ENOX1: variants seen among roughly 807,000 people sequenced by gnomAD.
ENOX1 encodes ecto-NOX disulfide-thiol exchanger 1.
In ENOX1, 42 loss-of-function variants were observed where a neutral mutation model predicts 82.5. That is an observed-to-expected ratio of 0.51 (90% CI 0.40 to 0.66). The LOEUF is 0.66. Ranked by LOEUF, ENOX1 falls within the 30% of genes least tolerant of loss-of-function variation. ENOX1 has a pLI of 0.00. For synonymous variants in ENOX1, 271 were observed against 282.2 expected (o/e 0.96, Z 0.40); for missense variants, 608 against 811.6 (o/e 0.75, Z 3.05).
intron 15 of ENOX1, among the ~76,000 whole-genome samples, chr13:43,226,730 G>A (rs1250546866): frequency 6.6e-6 from 1 of 152,202 alleles, no homozygotes; most frequent in Non-Finnish European, 1.5e-5. Context: ...GTGAGCAGGT[G>A]AGGGGGTGCT....
rs941618051 is a variant in ENOX1, at chr13:43,643,231, T to G, written c.-219+24248A>C. 3.9e-5 allele frequency among the ~76,000 whole-genome samples: 6 copies of G among 152,122 alleles called. No homozygotes were observed. In the South Asian group the frequency reaches 6.2e-4, roughly 16 times the overall value. On this transcript the variant is annotated intron_variant, in intron 2 of 16. Coordinates refer to ENST00000690772, the MANE Select transcript of ENOX1 (RefSeq NM_001347969.2). ...ATGCCAAGGACCGAGGGTAGGTACA[T>G]AGTGTTTGTGTTCCCCCACCGTCTA...
intron 2 of ENOX1, among the ~76,000 whole-genome samples, chr13:43,553,809 G>C (rs959238771): frequency 2.0e-5 from 3 of 152,064 alleles, no homozygotes; most frequent in Non-Finnish European, 4.4e-5. Context: ...GTGCAGCTGC[G>C]CGATCTCCGC....
At chr13:43,364,504 C>T (rs893737907) in intron 5 of ENOX1, among the ~76,000 whole-genome samples, 1 of 151,892 alleles carries the variant, frequency 6.6e-6, no homozygotes, top group African/African-American at 2.4e-5. Context: ...CAAGGCTCGG[C>T]AAAGGTTTCT....
intron 12 of ENOX1, among the ~76,000 whole-genome samples, chr13:43,272,815 G>T (rs535081517): frequency 6.6e-6 from 1 of 152,222 alleles, no homozygotes; most frequent in East Asian, 1.9e-4. Context: ...TGTAACTGGG[G>T]ATGAAAACCA....
At chr13:43,273,221 C>T (rs1040798991) in intron 12 of ENOX1, among the ~76,000 whole-genome samples, 1 of 152,182 alleles carries the variant, frequency 6.6e-6, no homozygotes, top group African/African-American at 2.4e-5. Flanking sequence ...GCCCTTTCAT[C>T]ACCTTCACAA....
intron 5 of ENOX1, among the ~76,000 whole-genome samples, chr13:43,374,599 G>A (rs1250457955): frequency 6.6e-6 from 1 of 152,226 alleles, no homozygotes; most frequent in East Asian, 1.9e-4. Context: ...TTCAAAGAAC[G>A]TTAGGTACTT....
At chr13:43,477,854 T>C (rs965100015) in intron 3 of ENOX1, among the ~76,000 whole-genome samples, 5 of 152,162 alleles carry the variant, frequency 3.3e-5, no homozygotes, top group East Asian at 3.9e-4. Context: ...CTGGGCAACA[T>C]TGCAATTAAT....
intron 2 of ENOX1, among the ~76,000 whole-genome samples, chr13:43,581,014 T>C (rs1460321665): frequency 6.6e-6 from 1 of 152,122 alleles, no homozygotes. Context: ...TTTAAGGCTA[T>C]TGGAAGAGCT....
intron 2 of ENOX1, among the ~76,000 whole-genome samples, chr13:43,664,454 G>A (rs1163752961): frequency 6.6e-6 from 1 of 152,172 alleles, no homozygotes; most frequent in Non-Finnish European, 1.5e-5. Context: ...TGTTATAATT[G>A]TTGTAGCACA....
intron 5 of ENOX1, among the ~76,000 whole-genome samples, chr13:43,385,265 A>C (rs1247458444): frequency 6.6e-6 from 1 of 152,182 alleles, no homozygotes; most frequent in Non-Finnish European, 1.5e-5. Flanking sequence ...GGAAACTTAT[A>C]ATCATTAACT....
At chr13:43,555,159 GC>G (rs1380044207) in intron 2 of ENOX1, among the ~76,000 whole-genome samples, 4 of 152,100 alleles carry the variant, frequency 2.6e-5, no homozygotes, top group Non-Finnish European at 5.9e-5. Context: ...ATATCCCAAA[GC>G]TTTCATGAGT....
intron 2 of ENOX1, among the ~76,000 whole-genome samples, chr13:43,624,972 T>G (rs1244207422): frequency 6.6e-6 from 1 of 152,096 alleles, no homozygotes; most frequent in South Asian, 2.1e-4. Flanking sequence ...ACATATCAGC[T>G]TGGGGAGAAG....
chr13:43,670,883 A>AC (rs2085234689), intron 1 of ENOX1, among the ~76,000 whole-genome samples: 2 of 150,876 alleles, frequency 1.3e-5, no homozygotes, highest in Admixed American at 1.3e-4. Context: ...AACAACAACA[A>AC]AACACCAGTA....
intron 8 of ENOX1, among the ~76,000 whole-genome samples, chr13:43,352,314 T>C (rs566304375): frequency 3.4e-4 from 52 of 152,352 alleles, no homozygotes; most frequent in Non-Finnish European, 5.6e-4. Flanking sequence ...TGAAAGATTA[T>C]GTGAAGCTTT....
At chr13:43,410,750 G>A (rs1038088777) in intron 5 of ENOX1, among the ~76,000 whole-genome samples, 6 of 152,088 alleles carry the variant, frequency 3.9e-5, no homozygotes, top group African/African-American at 1.4e-4. Flanking sequence ...AGCATGAAGT[G>A]CACAGGTATG....
intron 5 of ENOX1, among the ~76,000 whole-genome samples, chr13:43,400,640 A>G (rs535333330): frequency 6.6e-6 from 1 of 152,300 alleles, no homozygotes; most frequent in South Asian, 2.1e-4. Flanking sequence ...ACTTTAGTAC[A>G]ATATCTAGAT....
At chr13:43,629,870 C>G (rs1367093488) in intron 2 of ENOX1, among the ~76,000 whole-genome samples, 1 of 152,120 alleles carries the variant, frequency 6.6e-6, no homozygotes, top group African/African-American at 2.4e-5. Flanking sequence ...AGATGCCTTC[C>G]TTTCACTTGC....
intron 3 of ENOX1, among the ~76,000 whole-genome samples, chr13:43,475,966 C>G (rs1370357772): frequency 6.6e-6 from 1 of 152,026 alleles, no homozygotes; most frequent in Non-Finnish European, 1.5e-5. Flanking sequence ...ATTTTAATAA[C>G]TCTTGGGAAT....
At chr13:43,237,851 G>C (rs1485129919) in intron 14 of ENOX1, among the ~76,000 whole-genome samples, 1 of 152,162 alleles carries the variant, frequency 6.6e-6, no homozygotes, top group Admixed American at 6.5e-5. Flanking sequence ...AGATCTTTGA[G>C]CTTAATTTAA....
Sources: gnomAD v4.1 joint callset for allele counts (sites outside exome capture counted in the v4.1 genomes callset) on GRCh38, gnomAD v4.1.1 for gene constraint, MANE v1.5 for transcripts, NCBI Gene and HGNC (gene_info 2026-07-23, HGNC 2026-07-21) for gene names.